The following UNC13C variants were observed in gnomAD, a reference collection of about 807,000 sequenced individuals.
UNC13C encodes the protein protein unc-13 homolog C.
A neutral mutation model predicts 245.4 loss-of-function variants in UNC13C; 174 were observed. The ratio of observed to expected loss-of-function variants is 0.71; its 90% CI spans 0.63 to 0.80. UNC13C has a LOEUF of 0.80. Among genes scored for constraint, UNC13C ranks in the 30% least tolerant of loss-of-function variants. The pLI, the probability that UNC13C is intolerant of heterozygous loss-of-function variation, is 0.00. For synonymous variants in UNC13C, 992 were observed against 895.1 expected, an observed-to-expected ratio of 1.11 and a Z score of -1.93; for missense variants, 2,829 against 2,602.9, an observed-to-expected ratio of 1.09 and a Z score of -1.89.
At chr15:53,872,624 C>A in the UNC13C span, among the ~76,000 whole-genome samples, 1 of 152,118 alleles carries the variant, frequency 6.6e-6, no homozygotes, top group Non-Finnish European at 1.5e-5. Context: ...AGTCTCCATG[C>A]CTCTAGGCTC....
intron 2 of UNC13C, chr15:54,050,201 A>G: frequency 1.9e-6 from 1 of 516,678 alleles, no homozygotes; most frequent in Non-Finnish European, 3.8e-6. Context: ...TGAACTCCTG[A>G]CCTCAGGTGA....
At chr15:54,556,295 C>A (rs1487219750) in intron 29 of UNC13C, among the ~76,000 whole-genome samples, 2 of 152,156 alleles carry the variant, frequency 1.3e-5, no homozygotes, top group East Asian at 3.9e-4. Flanking sequence ...TAACTGTTAG[C>A]TACCATGACC....
At chr15:54,150,330 C>T (rs2032459806) in intron 4 of UNC13C, among the ~76,000 whole-genome samples, 1 of 152,212 alleles carries the variant, frequency 6.6e-6, no homozygotes, top group Non-Finnish European at 1.5e-5. Flanking sequence ...TGCCACAAGG[C>T]AGTTACAGCT....
chr15:54,512,142 C>T (rs1170460270), intron 24 of UNC13C, among the ~76,000 whole-genome samples: 1 of 152,066 alleles, frequency 6.6e-6, no homozygotes, highest in East Asian at 1.9e-4. Flanking sequence ...TTGTAAAATT[C>T]CACAAATTGT....
rs193002085 is a variant in UNC13C, at chr15:54,289,474, T to G, written c.3819-4421T>G. 3.5e-3 allele frequency among the ~76,000 whole-genome samples: 530 copies of G among 152,198 alleles called. 3 individuals are homozygous for G. Among genetic ancestry groups the G allele is most frequent in the African/African-American group, 0.012 (507 of 41,556 alleles). ...AATCTTCACTCTCTGTGCCAGCATC[T>G]CCTCCACAGAGTCAGTTCTATGTTT... On this transcript the variant is annotated intron_variant, in intron 10 of 32. Transcript: ENST00000260323.
At chr15:54,299,451 A>G (rs1567170103) in intron 12 of UNC13C, among the ~76,000 whole-genome samples, 2 of 152,306 alleles carry the variant, frequency 1.3e-5, no homozygotes, top group African/African-American at 2.4e-5. Context: ...AGTCAAAATC[A>G]GATTATTCAT....
the UNC13C span, chr15:53,947,887 TGG>T: frequency 6.6e-6 from 1 of 152,220 alleles, no homozygotes; most frequent in African/African-American, 2.4e-5. Flanking sequence ...AACTTATATG[TGG>T]TATCACAATG....
At chr15:54,369,399 T>C (rs1567220421) in intron 17 of UNC13C, among the ~76,000 whole-genome samples, 1 of 152,278 alleles carries the variant, frequency 6.6e-6, no homozygotes, top group East Asian at 1.9e-4. Flanking sequence ...ACATTTACAA[T>C]TAAATTGGTA....
At chr15:54,336,477 G>T (rs1223146035) in intron 16 of UNC13C, among the ~76,000 whole-genome samples, 2 of 146,560 alleles carry the variant, frequency 1.4e-5, no homozygotes, top group African/African-American at 2.5e-5. Flanking sequence ...TTTTAATTTT[G>T]GTCTACTTTA....
chr15:53,874,064 C>T, the UNC13C span, among the ~76,000 whole-genome samples: 1 of 151,854 alleles, frequency 6.6e-6, no homozygotes, highest in Non-Finnish European at 1.5e-5. Flanking sequence ...ACAGCCTTGA[C>T]CTCTAGGCTC....
intron 4 of UNC13C, among the ~76,000 whole-genome samples, chr15:54,201,260 A>T (rs970162098): frequency 6.6e-6 from 1 of 152,010 alleles, no homozygotes; most frequent in Non-Finnish European, 1.5e-5. Context: ...AACCAATCCT[A>T]TTGACACTAT....
At chr15:54,296,520 G>A (rs2037440893) in intron 11 of UNC13C, among the ~76,000 whole-genome samples, 2 of 152,006 alleles carry the variant, frequency 1.3e-5, no homozygotes, top group South Asian at 4.2e-4. Context: ...GCCGGGCCCA[G>A]CAGAGAATTT....
rs527523222 is a variant in UNC13C at position 54,261,574 on chromosome 15, G to A, written c.3449-2594G>A. 1.3e-4 allele frequency among the ~76,000 whole-genome samples: 19 copies of A among 150,808 alleles called. No homozygotes were observed. The East Asian group carries it at 3.3e-3, about 26-fold the overall frequency. On this transcript the variant is annotated intron_variant, in intron 8 of 32. Coordinates refer to ENST00000260323, the MANE Select transcript of UNC13C (RefSeq NM_001080534.3). The stretch of plus-strand genomic sequence containing the variant: ...TTGTTTTGTTTTGAGACGGAGTCTC[G>A]CTCTGTCGCCCAGGCTGCGGTGCAG...
intron 2 of UNC13C, among the ~76,000 whole-genome samples, chr15:54,043,218 C>A (rs1009571415): frequency 2.0e-5 from 3 of 152,018 alleles, no homozygotes; most frequent in Non-Finnish European, 4.4e-5. Context: ...TGCATTTATG[C>A]AATAAAGGAG....
At chr15:54,538,868 T>A (rs891402608) in intron 26 of UNC13C, among the ~76,000 whole-genome samples, 3 of 151,516 alleles carry the variant, frequency 2.0e-5, no homozygotes, top group African/African-American at 7.3e-5. Flanking sequence ...GGGAGGAGGG[T>A]GAGAATCAAA....
intron 4 of UNC13C, among the ~76,000 whole-genome samples, chr15:54,213,597 AT>A (rs1274238312): frequency 3.3e-5 from 5 of 152,204 alleles, no homozygotes; most frequent in African/African-American, 1.2e-4. Flanking sequence ...GGGTACATTC[AT>A]GGGTTGCAGG....
chr15:54,516,146 G>C (rs1894964661), intron 24 of UNC13C, among the ~76,000 whole-genome samples: 1 of 152,022 alleles, frequency 6.6e-6, no homozygotes. Flanking sequence ...ATACCTATTA[G>C]CCACATGGAC....
At chr15:54,558,980 T>TA (rs1415003127) in intron 29 of UNC13C, among the ~76,000 whole-genome samples, 2 of 152,124 alleles carry the variant, frequency 1.3e-5, no homozygotes, top group Middle Eastern at 3.4e-3. Context: ...AAATAGCAGT[T>TA]ACACTTTGAC....
intron 30 of UNC13C, among the ~76,000 whole-genome samples, chr15:54,616,481 T>G (rs1233703405): frequency 6.6e-6 from 1 of 152,016 alleles, no homozygotes; most frequent in Non-Finnish European, 1.5e-5. Context: ...TAGAAAAGAC[T>G]CAAGTTAAAA....
Sources: gnomAD v4.1 joint callset for allele counts (sites outside exome capture counted in the v4.1 genomes callset) on GRCh38, gnomAD v4.1.1 for gene constraint, MANE v1.5 for transcripts, NCBI Gene and HGNC (gene_info 2026-07-23, HGNC 2026-07-21) for gene names.